PHC2: variants seen among roughly 807,000 people sequenced by gnomAD.
PHC2 encodes polyhomeotic-like protein 2.
Under a neutral mutation model 87.4 loss-of-function variants are expected in PHC2, and 29 were observed. The ratio of observed to expected loss-of-function variants is 0.33; its 90% confidence interval spans 0.25 to 0.45. PHC2 has a LOEUF of 0.45. Ranked by LOEUF, PHC2 falls within the 20% of genes least tolerant of loss-of-function variation. The pLI is 1.00. For missense variants in PHC2, 857 were observed against 1,136.7 expected, an observed-to-expected ratio of 0.75 and a Z score of 3.54; for synonymous variants, 438 against 461.7, an observed-to-expected ratio of 0.95 and a Z score of 0.66.
rs1292964118 is a variant in PHC2, at chr1:33,349,722, G to A, written c.1558+4679C>T. ...CTCCGCCGGGAGCCTCCGAGCCGGGGCCCGGGGCTGCCGCGGCGCATCCGA... is the reference window on the plus strand; with the variant it reads ...CTCCGCCGGGAGCCTCCGAGCCGGGACCCGGGGCTGCCGCGGCGCATCCGA... On this transcript the variant is annotated intron_variant, in intron 9 of 14. Coordinates refer to ENST00000683057, the MANE Select transcript of PHC2 (RefSeq NM_001385109.1). This position sits in a 1 kb window ranked among gnomAD's most constrained non-coding sequence, Gnocchi z 4.2. 6 of 994,806 alleles carry A rather than the reference G, an allele frequency of 6.0e-6. No homozygotes were observed. The highest frequency in any genetic ancestry group is 1.1e-4 in the East Asian group (1 of 8,922). 61.6% of individuals were successfully genotyped at this position (994,806 alleles called of 1,614,324 possible). A position where few individuals can be genotyped will look rare whatever the true frequency, so the allele number is the denominator to read the frequency against.
intron 12 of PHC2, among the ~76,000 whole-genome samples, chr1:33,330,480 A>C (rs4653044): frequency 0.47 from 71,598 of 152,014 alleles, 17,067 homozygotes; most frequent in East Asian, 0.55. Flanking sequence ...AATGTTTGAG[A>C]CACCTGGACT....
At chr1:33,404,324 T>C (rs1453168232) in intron 1 of PHC2, among the ~76,000 whole-genome samples, 3 of 152,156 alleles carry the variant, frequency 2.0e-5, no homozygotes, top group Non-Finnish European at 4.4e-5. Flanking sequence ...AGGAAAATAA[T>C]TTTGGTGATG....
chr1:33,376,577 A>G lies in PHC2; in HGVS notation c.-54-984T>C, dbSNP rs116099047. ...CGTTGGGGTGGGGACACTGAACATCAGAGAATTTACTATTTGTCCATATTT... is the reference window on the plus strand; with the variant it reads ...CGTTGGGGTGGGGACACTGAACATCGGAGAATTTACTATTTGTCCATATTT... On this transcript the variant is annotated intron_variant, in intron 1 of 14. Transcript: ENST00000683057. Among the ~76,000 whole-genome samples the G allele has an allele frequency of 7.8e-3, 1,192 of 152,344 alleles. 8 individuals are homozygous for G. The highest frequency in any genetic ancestry group is 0.012 in the Non-Finnish European group (843 of 68,034).
chr1:33,423,699 G>A (rs1650546399), intron 1 of PHC2, among the ~76,000 whole-genome samples: 1 of 152,148 alleles, frequency 6.6e-6, no homozygotes, highest in African/African-American at 2.4e-5. Context: ...AAATTAATTT[G>A]GGGCAAAACT....
chr1:33,340,425 G>C (rs1034894699), intron 9 of PHC2, among the ~76,000 whole-genome samples: 2 of 152,162 alleles, frequency 1.3e-5, no homozygotes, highest in African/African-American at 4.8e-5. Context: ...TCTAGAAACC[G>C]CCTCAGTGGA....
chr1:33,397,192 C>T (rs989634632), intron 1 of PHC2, among the ~76,000 whole-genome samples: 2 of 152,206 alleles, frequency 1.3e-5, no homozygotes, highest in Non-Finnish European at 2.9e-5. Flanking sequence ...CATCACCAGG[C>T]ACCAGAGGTC....
At chr1:33,336,335 A>T (rs1291738651) in intron 9 of PHC2, among the ~76,000 whole-genome samples, 1 of 152,190 alleles carries the variant, frequency 6.6e-6, no homozygotes, top group Non-Finnish European at 1.5e-5. Context: ...CTAAACCAGG[A>T]TAAACCTTTA....
chr1:33,332,424 G>A lies in PHC2; in HGVS notation c.1762-20C>T. 1.9e-6 allele frequency: 3 copies of A among 1,614,040 alleles called. No homozygotes were observed. Among genetic ancestry groups the A allele is most frequent in the Non-Finnish European group, 2.5e-6 (3 of 1,179,952 alleles). On this transcript the variant is annotated intron_variant, in intron 10 of 14. Coordinates refer to ENST00000683057, the MANE Select transcript of PHC2 (RefSeq NM_001385109.1). The surrounding 1 kb of genome is among the most constrained non-coding windows in gnomAD (Gnocchi z 4.2). ...TCCCACCTAGAGGACAGGTAACACG[G>A]AGGCCGTGAGGGTCAGGTGGGAGCG...
intron 1 of PHC2, among the ~76,000 whole-genome samples, chr1:33,393,463 G>GTTTTTTTTTTTTTTTTTTTTTTT (rs36030279): frequency 3.1e-5 from 4 of 131,048 alleles, no homozygotes; most frequent in African/African-American, 5.8e-5. Flanking sequence ...TTTTCAAGAG[G>GTTTTTTTTTTTTTTTTTTTTTTT]TTTTTTTTTT....
intron 6 of PHC2, 53 bp from the exon 7 acceptor site, chr1:33,367,481 GTA>G (rs1647543404): frequency 7.4e-7 from 1 of 1,349,394 alleles, no homozygotes; most frequent in East Asian, 2.3e-5. Flanking sequence ...AGCAATGCCA[GTA>G]TACAACTAAG....
At chr1:33,398,433 T>TA in intron 1 of PHC2, among the ~76,000 whole-genome samples, 1 of 152,370 alleles carries the variant, frequency 6.6e-6, no homozygotes, top group Non-Finnish European at 1.5e-5. Flanking sequence ...GTACATGTTA[T>TA]TTAATGTATA....
intron 13 of PHC2, among the ~76,000 whole-genome samples, chr1:33,329,839 T>C (rs1372827208): frequency 6.6e-6 from 1 of 151,514 alleles, no homozygotes; most frequent in Non-Finnish European, 1.5e-5. Context: ...GAAGGTGGGG[T>C]GATGTTGAGG....
chr1:33,350,360 T>C (rs1241574591), intron 9 of PHC2: 1 of 152,238 alleles, frequency 6.6e-6, no homozygotes, highest in African/African-American at 2.4e-5. Flanking sequence ...CGGTCACACC[T>C]CCGTGAGCGG....
chr1:33,331,221 A>T lies in PHC2; in HGVS notation c.2006+127T>A. 1 of 511,602 alleles carries T rather than the reference A, an allele frequency of 2.0e-6. No homozygotes were observed. 31.7% of individuals were successfully genotyped at this position (511,602 alleles called of 1,614,324 possible). A position where few individuals can be genotyped will look rare whatever the true frequency, so the allele number is the denominator to read the frequency against. The stretch of plus-strand genomic sequence containing the variant: ...GAATTAGGGATGCCATCCTGCTTCC[A>T]GGTGGGTCGAGGAACTAGGAAACTG... On this transcript the variant is annotated intron_variant, in intron 12 of 14. Transcript: ENST00000683057. This position sits in a 1 kb window ranked among gnomAD's most constrained non-coding sequence, Gnocchi z 5.2.
chr1:33,368,627 G>C lies in PHC2; in HGVS notation c.577-5C>G. On this transcript the variant is annotated splice_polypyrimidine_tract_variant and splice_region_variant and intron_variant, in intron 5 of 14. Transcript: ENST00000683057. The surrounding 1 kb of genome is among the most constrained non-coding windows in gnomAD (Gnocchi z 6.6). ...GGCCGTGGGCGTGAAGATGAGCTGA[G>C]GGGACAAAGGAACAGTGCCGCCTAG... is the stretch of plus-strand genomic sequence containing the variant. 1 of 1,549,412 alleles carries C rather than the reference G, an allele frequency of 6.5e-7. No individual in the cohort carries two copies. The highest frequency in any genetic ancestry group is 8.7e-7 in the Non-Finnish European group (1 of 1,144,990).
At chr1:33,405,230 G>A (rs1305832341) in intron 1 of PHC2, among the ~76,000 whole-genome samples, 3 of 147,676 alleles carry the variant, frequency 2.0e-5, no homozygotes, top group Admixed American at 6.8e-5. Context: ...GCTCTGTGTC[G>A]CCCAGGCTGG....
chr1:33,407,626 G>C lies in PHC2; in HGVS notation c.-55+23350C>G, dbSNP rs182393567. Among the ~76,000 whole-genome samples the C allele has an allele frequency of 3.3e-3, 500 of 152,248 alleles. 1 individual carries two copies. The highest frequency in any genetic ancestry group is 0.011 in the African/African-American group (477 of 41,544). On this transcript the variant is annotated intron_variant, in intron 1 of 14. Transcript: ENST00000683057. ...TTATCAGATTTCTTACCCTGGGCAGGCTCTCAGCTTTGATTCCTGTCTTCC... is the reference window on the plus strand; with the variant it reads ...TTATCAGATTTCTTACCCTGGGCAGCCTCTCAGCTTTGATTCCTGTCTTCC...
intron 1 of PHC2, among the ~76,000 whole-genome samples, chr1:33,429,882 G>T (rs1305100110): frequency 1.3e-5 from 2 of 152,218 alleles, no homozygotes; most frequent in Non-Finnish European, 2.9e-5. Flanking sequence ...ACTCACAAAA[G>T]AAACTCTATT....
At chr1:33,399,583 T>C (rs559134076) in intron 1 of PHC2, among the ~76,000 whole-genome samples, 1 of 152,334 alleles carries the variant, frequency 6.6e-6, no homozygotes, top group South Asian at 2.1e-4. Flanking sequence ...GGACATGTTT[T>C]CTTGTTTTCC....
Sources: allele counts gnomAD v4.1 joint callset (sites outside exome capture counted in the v4.1 genomes callset), GRCh38; gene constraint gnomAD v4.1.1; non-coding constraint Gnocchi (gnomAD v3.1); transcripts MANE v1.5; gene names NCBI Gene and HGNC (gene_info 2026-07-23, HGNC 2026-07-21).